The following CHCHD6 variants were observed in gnomAD, a reference collection of about 807,000 sequenced individuals.
The protein encoded by CHCHD6 is MICOS complex subunit MIC25.
In CHCHD6, 28 loss-of-function variants were observed where a neutral mutation model predicts 32.3. That is an observed-to-expected ratio of 0.87 (90% CI 0.64 to 1.19). The LOEUF (loss-of-function observed/expected upper bound fraction) is 1.19. Ranked by LOEUF, CHCHD6 falls within the 50% of genes most tolerant of loss-of-function variation. CHCHD6 has a pLI of 0.00. For synonymous variants in CHCHD6, 122 were observed against 117.5 expected (o/e 1.04, Z -0.25); for missense variants, 333 against 307.0 (o/e 1.08, Z -0.63).
At chr3:126,821,545 T>C (rs1450039464) in intron 4 of CHCHD6, among the ~76,000 whole-genome samples, 1 of 152,210 alleles carries the variant, frequency 6.6e-6, no homozygotes, top group Non-Finnish European at 1.5e-5. Flanking sequence ...CCACCTGCCT[T>C]GGCCTCCCAA....
chr3:126,919,568 A>G (rs1576602881), intron 6 of CHCHD6, among the ~76,000 whole-genome samples: 1 of 145,218 alleles, frequency 6.9e-6, no homozygotes, highest in Admixed American at 6.9e-5. Context: ...CCTGCCTCAG[A>G]CTCTGAAATT....
At chr3:126,959,516 G>A (rs2107611869) in intron 7 of CHCHD6, among the ~76,000 whole-genome samples, 1 of 152,372 alleles carries the variant, frequency 6.6e-6, no homozygotes, top group East Asian at 1.9e-4. Context: ...GGGGAGTGAA[G>A]GGTCCCTAAG....
intron 5 of CHCHD6, 100 bp downstream of exon 5, chr3:126,852,830 A>G (rs1559881529): frequency 2.5e-6 from 2 of 797,806 alleles, no homozygotes; most frequent in South Asian, 1.5e-5. Flanking sequence ...CCGCAGACCC[A>G]GTGCCCATTC....
chr3:126,902,568 T>C, intron 5 of CHCHD6, among the ~76,000 whole-genome samples: 1 of 151,698 alleles, frequency 6.6e-6, no homozygotes, highest in East Asian at 1.9e-4. Context: ...TACAAAACAA[T>C]TAGCTGGGCA....
intron 4 of CHCHD6, among the ~76,000 whole-genome samples, chr3:126,804,027 C>T (rs1939225035): frequency 1.3e-5 from 2 of 152,050 alleles, no homozygotes; most frequent in South Asian, 4.2e-4. Context: ...AGAACAAAGA[C>T]ATAACATACC....
intron 5 of CHCHD6, among the ~76,000 whole-genome samples, chr3:126,858,684 A>G (rs1226138381): frequency 6.6e-6 from 1 of 152,250 alleles, no homozygotes; most frequent in Non-Finnish European, 1.5e-5. Context: ...AGACACAGCC[A>G]GAATGCGGCA....
chr3:126,931,340 T>A (rs1304632204), intron 6 of CHCHD6, among the ~76,000 whole-genome samples: 1 of 152,194 alleles, frequency 6.6e-6, no homozygotes, highest in Non-Finnish European at 1.5e-5. Flanking sequence ...GCAGCAGGCC[T>A]TTCCTTCCCC....
intron 1 of CHCHD6, among the ~76,000 whole-genome samples, chr3:126,723,377 A>G (rs1462501817): frequency 6.6e-6 from 1 of 152,178 alleles, no homozygotes; most frequent in Non-Finnish European, 1.5e-5. Context: ...GTACTTTGCT[A>G]AGCAGTTTTG....
At chr3:126,738,678 T>C (rs1936162626) in intron 4 of CHCHD6, among the ~76,000 whole-genome samples, 1 of 152,320 alleles carries the variant, frequency 6.6e-6, no homozygotes, top group East Asian at 1.9e-4. Context: ...TCGTCTGTTA[T>C]CTTTCCCTCG....
chr3:126,902,142 G>A (rs553114987), intron 5 of CHCHD6, among the ~76,000 whole-genome samples: 4 of 152,320 alleles, frequency 2.6e-5, no homozygotes, highest in South Asian at 4.1e-4. Flanking sequence ...TCTCTTGGGG[G>A]AGCTTCTGTA....
At chr3:126,812,237 G>A (rs1939685894) in intron 4 of CHCHD6, among the ~76,000 whole-genome samples, 1 of 150,324 alleles carries the variant, frequency 6.7e-6, no homozygotes, top group South Asian at 2.1e-4. Context: ...GCCTCAACAT[G>A]CAAGTTTGAA....
chr3:126,725,806 C>T (rs573787459), intron 1 of CHCHD6, among the ~76,000 whole-genome samples: 1 of 152,210 alleles, frequency 6.6e-6, no homozygotes, highest in Non-Finnish European at 1.5e-5. Flanking sequence ...GTCTTATGAA[C>T]CAACCTTGGC....
intron 5 of CHCHD6, among the ~76,000 whole-genome samples, chr3:126,878,137 C>CT (rs1210852712): frequency 1.3e-5 from 2 of 152,138 alleles, no homozygotes; most frequent in African/African-American, 4.8e-5. Flanking sequence ...AAGAAAGAGC[C>CT]TTGTGGTCTT....
At position 126,733,093 on chromosome 3, in the gene CHCHD6, T is replaced by C; in HGVS notation, c.282T>C (p.His94=). Residue 94 remains histidine, a synonymous_variant, in exon 4 of 8, where the codon CAT becomes CAC. Transcript: ENST00000290913. ...TTCTGCACAGGTATGAACAGGAGCA[T>C]GCTGCTATCCAGGATAAGCTCTTCC... ...KEGVKRYEQE[H]AAIQDKLFQV... is the part of the protein sequence containing the mutation. 2.5e-6 allele frequency: 4 copies of C among 1,614,210 alleles called. No homozygotes were observed. The South Asian group carries it at 4.4e-5, about 18-fold the overall frequency.
intron 1 of CHCHD6, among the ~76,000 whole-genome samples, chr3:126,720,377 C>G (rs1935225002): frequency 6.6e-6 from 1 of 152,216 alleles, no homozygotes; most frequent in Admixed American, 6.5e-5. Context: ...GGACACCCAA[C>G]CGGGGCTTCT....
chr3:126,956,597 G>A (rs1477613298), intron 6 of CHCHD6, among the ~76,000 whole-genome samples: 4 of 69,774 alleles, frequency 5.7e-5, no homozygotes, highest in South Asian at 4.5e-4. Context: ...GTCAGTGTGC[G>A]CACGAGAGAG....
intron 4 of CHCHD6, among the ~76,000 whole-genome samples, chr3:126,825,990 T>C (rs1303780075): frequency 2.6e-5 from 4 of 152,248 alleles, no homozygotes; most frequent in Admixed American, 2.6e-4. Flanking sequence ...TTTGTAGTGT[T>C]CTATCATCCC....
intron 4 of CHCHD6, among the ~76,000 whole-genome samples, chr3:126,802,394 T>C (rs369203587): frequency 6.6e-6 from 1 of 152,124 alleles, no homozygotes; most frequent in Non-Finnish European, 1.5e-5. Flanking sequence ...TGAAAGCCAA[T>C]GCTTGAGAAC....
chr3:126,889,346 C>T (rs2077724059), intron 5 of CHCHD6, among the ~76,000 whole-genome samples: 1 of 152,152 alleles, frequency 6.6e-6, no homozygotes, highest in Non-Finnish European at 1.5e-5. Flanking sequence ...TGCAGACCAG[C>T]GTCCTGTGCT....
Sources: allele counts gnomAD v4.1 joint callset (sites outside exome capture counted in the v4.1 genomes callset), GRCh38; gene constraint gnomAD v4.1.1; transcripts MANE v1.5; gene names NCBI Gene and HGNC (gene_info 2026-07-23, HGNC 2026-07-21).